Variants in TTC28 observed in about 807,000 individuals in gnomAD.
TTC28 encodes tetratricopeptide repeat protein 28.
Under a neutral mutation model 198.0 loss-of-function variants are expected in TTC28, and 61 were observed. The ratio of observed to expected loss-of-function variants is 0.31; its 90% CI spans 0.25 to 0.38. The LOEUF is 0.38. Among genes scored for constraint, TTC28 ranks in the 10% least tolerant of loss-of-function variants. The pLI is 1.00. For missense variants in TTC28, 2,678 were observed against 3,164.0 expected (o/e 0.85, Z 3.69); for synonymous variants, 1,171 against 1,297.8 (o/e 0.90, Z 2.10).
intron 2 of TTC28, among the ~76,000 whole-genome samples, chr22:28,550,563 T>C (rs573024150): frequency 6.6e-6 from 1 of 152,140 alleles, no homozygotes; most frequent in Admixed American, 6.6e-5. Context: ...CTATCATTTG[T>C]ATCAGTAGCA....
chr22:28,501,654 T>C (rs893083648), intron 2 of TTC28, among the ~76,000 whole-genome samples: 6 of 152,210 alleles, frequency 3.9e-5, no homozygotes, highest in South Asian at 2.1e-4. Context: ...AAATATCTTA[T>C]GTACCCCATA....
intron 2 of TTC28, among the ~76,000 whole-genome samples, chr22:28,608,716 G>A (rs2050772903): frequency 1.3e-5 from 2 of 152,184 alleles, no homozygotes; most frequent in Non-Finnish European, 2.9e-5. Context: ...CCAGAGTGCT[G>A]AAGGTGTGCC....
chr22:28,174,897 G>A (rs866645923), intron 5 of TTC28, among the ~76,000 whole-genome samples: 1 of 151,930 alleles, frequency 6.6e-6, no homozygotes, highest in South Asian at 2.1e-4. Context: ...GGGGTCTGTT[G>A]GTTGGTTCCT....
chr22:28,290,990 T>C (rs1443214757), intron 5 of TTC28, among the ~76,000 whole-genome samples: 1 of 151,932 alleles, frequency 6.6e-6, no homozygotes, highest in Non-Finnish European at 1.5e-5. Flanking sequence ...AAAATCTCCC[T>C]AAAAGTGTAG....
chr22:28,432,063 A>G (rs1310263102), intron 2 of TTC28, among the ~76,000 whole-genome samples: 1 of 152,094 alleles, frequency 6.6e-6, no homozygotes, highest in East Asian at 1.9e-4. Flanking sequence ...AGGTGGGCGG[A>G]TCACGAAGTC....
rs369448009 is a variant in TTC28 at position 28,292,233 on chromosome 22, A to G, written c.933+3965T>C. 7.2e-5 allele frequency among the ~76,000 whole-genome samples: 11 copies of G among 152,108 alleles called. No individual in the cohort carries two copies. In the East Asian group the frequency reaches 1.3e-3, roughly 19 times the overall value. On this transcript the variant is annotated intron_variant, in intron 5 of 22. Coordinates refer to ENST00000397906, the MANE Select transcript of TTC28 (RefSeq NM_001145418.2). ...CAGGGCCTCTCTCTCTCTTGCCCAGACTGGAATACAATGGTGTGAACTTGG... is the reference window on the plus strand; with the variant it reads ...CAGGGCCTCTCTCTCTCTTGCCCAGGCTGGAATACAATGGTGTGAACTTGG...
intron 2 of TTC28, among the ~76,000 whole-genome samples, chr22:28,318,973 C>T (rs758010125): frequency 2.0e-5 from 3 of 151,646 alleles, no homozygotes; most frequent in Non-Finnish European, 2.9e-5. Context: ...TACGTGCCAC[C>T]ATGCCTGGCT....
chr22:28,585,046 A>G (rs1266119020), intron 2 of TTC28, among the ~76,000 whole-genome samples: 1 of 152,148 alleles, frequency 6.6e-6, no homozygotes, highest in East Asian at 1.9e-4. Context: ...CTGTGAGAGA[A>G]TTTGAAATAA....
intron 6 of TTC28, among the ~76,000 whole-genome samples, chr22:28,142,770 G>A (rs1203959988): frequency 6.6e-6 from 1 of 152,132 alleles, no homozygotes; most frequent in African/African-American, 2.4e-5. Flanking sequence ...TTTCAAAAAT[G>A]ATAATGTAAC....
At chr22:28,234,290 C>T (rs2147236814) in intron 5 of TTC28, among the ~76,000 whole-genome samples, 1 of 152,224 alleles carries the variant, frequency 6.6e-6, no homozygotes, top group East Asian at 1.9e-4. Context: ...AATCCGCCTG[C>T]CTGGGCCTCC....
chr22:28,540,817 G>A (rs2049395549), intron 2 of TTC28, among the ~76,000 whole-genome samples: 1 of 152,084 alleles, frequency 6.6e-6, no homozygotes, highest in Non-Finnish European at 1.5e-5. Flanking sequence ...TTCTACAGGG[G>A]AAAAAATTGA....
At position 28,630,568 on chromosome 22, in the gene TTC28, A is replaced by G. The variant is rs148256836; in HGVS notation, c.103-738T>C. Reference sequence around the variant, plus strand: ...TAGCCTCAAGAGATCTTTCCACTTCAGCCTCCCAAAATGCTGGGATTACAG... The same window carrying G: ...TAGCCTCAAGAGATCTTTCCACTTCGGCCTCCCAAAATGCTGGGATTACAG... On this transcript the variant is annotated intron_variant, in intron 1 of 22. Coordinates refer to ENST00000397906, the MANE Select transcript of TTC28 (RefSeq NM_001145418.2). 2.8e-3 allele frequency among the ~76,000 whole-genome samples: 419 copies of G among 152,264 alleles called. 8 individuals carry two copies. The highest frequency in any genetic ancestry group is 2.6e-4 in the Non-Finnish European group (18 of 68,020).
At chr22:28,276,137 G>A (rs1035164358) in intron 5 of TTC28, among the ~76,000 whole-genome samples, 14 of 151,470 alleles carry the variant, frequency 9.2e-5, no homozygotes, top group Middle Eastern at 3.2e-3. Flanking sequence ...TCAGCCTCCC[G>A]AGTAGCTGGG....
At chr22:28,010,409 A>G (rs1938102836) in intron 14 of TTC28, among the ~76,000 whole-genome samples, 1 of 152,122 alleles carries the variant, frequency 6.6e-6, no homozygotes, top group Non-Finnish European at 1.5e-5. Context: ...AAACTCTAAA[A>G]CACATGGCAC....
chr22:28,179,837 A>G (rs1434324491), intron 5 of TTC28, among the ~76,000 whole-genome samples: 2 of 152,234 alleles, frequency 1.3e-5, no homozygotes, highest in Non-Finnish European at 2.9e-5. Flanking sequence ...GCATAAATTA[A>G]TAATTTCATG....
At chr22:28,397,312 T>C (rs537375868) in intron 2 of TTC28, among the ~76,000 whole-genome samples, 3 of 152,368 alleles carry the variant, frequency 2.0e-5, no homozygotes, top group South Asian at 2.1e-4. Flanking sequence ...AGAGTCCCGA[T>C]GTAGGTAAGG....
chr22:28,106,384 G>A (rs778075554), intron 7 of TTC28, among the ~76,000 whole-genome samples: 3 of 152,134 alleles, frequency 2.0e-5, no homozygotes, highest in Admixed American at 6.5e-5. Context: ...GAGAAGACAC[G>A]ATAAGCGTGG....
At chr22:27,991,140 AG>A (rs1198875049) in intron 19 of TTC28, among the ~76,000 whole-genome samples, 1 of 152,164 alleles carries the variant, frequency 6.6e-6, no homozygotes, top group Non-Finnish European at 1.5e-5. Context: ...CTGGTTCCTG[AG>A]TGAGCCAGGA....
intron 13 of TTC28, among the ~76,000 whole-genome samples, chr22:28,019,402 C>T (rs1319887440): frequency 6.6e-6 from 1 of 152,162 alleles, no homozygotes; most frequent in African/African-American, 2.4e-5. Flanking sequence ...AGGCATGGGA[C>T]AGTTAGGTGC....
Sources: allele counts gnomAD v4.1 joint callset (sites outside exome capture counted in the v4.1 genomes callset), GRCh38; gene constraint gnomAD v4.1.1; transcripts MANE v1.5; gene names NCBI Gene and HGNC (gene_info 2026-07-23, HGNC 2026-07-21).